ZDHHC11B: variants seen among roughly 807,000 people sequenced by gnomAD.
The protein encoded by ZDHHC11B is probable palmitoyltransferase ZDHHC11B.
Under a neutral mutation model 42.3 loss-of-function variants are expected in ZDHHC11B, and 17 were observed. The ratio of observed to expected loss-of-function variants is 0.40; its 90% CI spans 0.27 to 0.60. ZDHHC11B has a LOEUF of 0.60. Ranked by LOEUF, ZDHHC11B falls within the 20% of genes least tolerant of loss-of-function variation. The pLI is 0.41. For missense variants in ZDHHC11B, 262 were observed against 463.2 expected (o/e 0.57, Z 3.99); for synonymous variants, 123 against 193.5 (o/e 0.64, Z 3.02).
At chr5:770,844 C>T (rs1434365449) in intron 1 of ZDHHC11B, among the ~76,000 whole-genome samples, 1 of 151,922 alleles carries the variant, frequency 6.6e-6, no homozygotes, top group African/African-American at 2.4e-5. Context: ...AAGGCGCCCG[C>T]CCCCAGAGCA....
intron 6 of ZDHHC11B, among the ~76,000 whole-genome samples, chr5:752,827 C>T (rs12518720): frequency 0.71 from 72,941 of 102,880 alleles, 31,281 homozygotes; most frequent in African/African-American, 0.94. Flanking sequence ...CTCCTGGGCT[C>T]GAGCCCACTT....
At chr5:745,719 G>A (rs1437122855) in intron 8 of ZDHHC11B, among the ~76,000 whole-genome samples, 1 of 150,050 alleles carries the variant, frequency 6.7e-6, no homozygotes, top group East Asian at 2.0e-4. Context: ...TCTGTCTGAG[G>A]GTCCAGGTGG....
At chr5:758,232 C>T (rs1358904951) in intron 4 of ZDHHC11B, among the ~76,000 whole-genome samples, 1 of 151,872 alleles carries the variant, frequency 6.6e-6, no homozygotes, top group African/African-American at 2.4e-5. Context: ...TGCACTGTGG[C>T]CCAGGGGAAG....
chr5:784,456 C>A (rs1170640862), intron 1 of ZDHHC11B, among the ~76,000 whole-genome samples: 5 of 152,362 alleles, frequency 3.3e-5, no homozygotes, highest in Middle Eastern at 3.4e-3. Flanking sequence ...AAAGCCTCCC[C>A]GTCGCGTCCT....
At chr5:753,053 C>T (rs1240212710) in intron 6 of ZDHHC11B, among the ~76,000 whole-genome samples, 1 of 127,740 alleles carries the variant, frequency 7.8e-6, no homozygotes, top group African/African-American at 2.5e-5. Flanking sequence ...GCCCCTGCTG[C>T]CTGTGTTTAA....
chr5:764,112 C>T (rs1318302364), intron 4 of ZDHHC11B, among the ~76,000 whole-genome samples: 1 of 151,968 alleles, frequency 6.6e-6, no homozygotes, highest in African/African-American at 2.4e-5. Context: ...AGCCCCTACA[C>T]CTCCCTGCCT....
chr5:714,419 G>C (rs1741595985), intron 13 of ZDHHC11B, among the ~76,000 whole-genome samples: 1 of 144,616 alleles, frequency 6.9e-6, no homozygotes, highest in Non-Finnish European at 1.5e-5. Flanking sequence ...AGTGTTTTGT[G>C]TGCTCTACAG....
intron 4 of ZDHHC11B, among the ~76,000 whole-genome samples, chr5:760,843 C>T (rs1314439537): frequency 2.6e-5 from 4 of 151,220 alleles, no homozygotes; most frequent in Non-Finnish European, 4.4e-5. Context: ...GGAACCGCTG[C>T]GTCCCCACCT....
intron 12 of ZDHHC11B, among the ~76,000 whole-genome samples, chr5:727,941 T>G (rs1225241080): frequency 3.3e-5 from 5 of 151,622 alleles, no homozygotes; most frequent in Non-Finnish European, 7.4e-5. Context: ...TCACAAAAAT[T>G]TATGAACTTC....
At chr5:742,630 GT>G (rs1265433023) in intron 9 of ZDHHC11B, among the ~76,000 whole-genome samples, 1 of 149,806 alleles carries the variant, frequency 6.7e-6, no homozygotes, top group African/African-American at 2.5e-5. Context: ...CAGATACATA[GT>G]TTTTAGACAT....
intron 12 of ZDHHC11B, among the ~76,000 whole-genome samples, chr5:724,978 T>C (rs1258366564): frequency 1.6e-4 from 23 of 148,062 alleles, no homozygotes; most frequent in African/African-American, 5.8e-4. Flanking sequence ...TTTGTTGCTG[T>C]TGGAGCAGCA....
intron 10 of ZDHHC11B, among the ~76,000 whole-genome samples, 198 bp from the exon 11 acceptor site, chr5:734,037 C>T (rs552462514): frequency 1.2e-4 from 17 of 146,026 alleles, no homozygotes; most frequent in Admixed American, 3.4e-4. Flanking sequence ...AGAAGCTTCT[C>T]GTGTAAAGGA....
rs1321376944 is a variant in ZDHHC11B, at chr5:762,837, G to A, written c.222+3861C>T. Reference sequence around the variant, plus strand: ...ATTTTTTTTTAATAGAATAAAAACAGGCAAACAATAGAGAAAATTAATAAT... The same window carrying A: ...ATTTTTTTTTAATAGAATAAAAACAAGCAAACAATAGAGAAAATTAATAAT... On this transcript the variant is annotated intron_variant, in intron 4 of 13. Coordinates refer to ENST00000508859, the MANE Select transcript of ZDHHC11B (RefSeq NM_001351303.2). 2.0e-5 allele frequency among the ~76,000 whole-genome samples: 3 copies of A among 151,386 alleles called. 1 individual carries two copies. Among genetic ancestry groups the A allele is most frequent in the South Asian group, 4.2e-4 (2 of 4,790 alleles).
chr5:742,521 A>C (rs1744280785), intron 9 of ZDHHC11B, among the ~76,000 whole-genome samples: 1 of 137,942 alleles, frequency 7.2e-6, no homozygotes, highest in Non-Finnish European at 1.6e-5. Flanking sequence ...GTTTGTGGTG[A>C]CCCTGGTCAA....
chr5:744,484 C>G (rs1419752476), intron 9 of ZDHHC11B, among the ~76,000 whole-genome samples: 1 of 149,002 alleles, frequency 6.7e-6, no homozygotes, highest in African/African-American at 2.5e-5. Flanking sequence ...AGTCTCTTGG[C>G]TGTTCTATGT....
intron 12 of ZDHHC11B, among the ~76,000 whole-genome samples, chr5:729,307 C>A (rs1434939222): frequency 6.6e-6 from 1 of 151,160 alleles, no homozygotes; most frequent in African/African-American, 2.4e-5. Context: ...CCCCCCTGAG[C>A]AGCATGACCT....
At chr5:759,970 C>T (rs1389486402) in intron 4 of ZDHHC11B, among the ~76,000 whole-genome samples, 1 of 151,910 alleles carries the variant, frequency 6.6e-6, no homozygotes, top group African/African-American at 2.4e-5. Context: ...GCCGGGGATG[C>T]CGTCCTGAGC....
At chr5:766,605 C>T (rs1220466848) in intron 4 of ZDHHC11B, 93 bp downstream of exon 4, 25 of 1,341,028 alleles carry the variant, frequency 1.9e-5, no homozygotes, top group Admixed American at 8.5e-5. Context: ...CTGGTGCCAC[C>T]GGGCAGCCAT....
In ZDHHC11B at chr5:766,827, C is replaced by G. The variant is rs774566741; in HGVS notation, c.93G>C (p.Val31=). The G allele has an allele frequency of 6.2e-7, 1 of 1,612,656 alleles. No homozygotes were observed. Among genetic ancestry groups the G allele is most frequent in the Non-Finnish European group, 8.5e-7 (1 of 1,179,254 alleles). The part of the protein sequence containing the change: ...ELVLPPRISR[V]NGWSLPLHYF... ...AGTGCAGGGGTAACGACCAGCCGTTCACTCTGGAGATGCGGGGCGGCAAGA... is the reference window on the plus strand; with the variant it reads ...AGTGCAGGGGTAACGACCAGCCGTTGACTCTGGAGATGCGGGGCGGCAAGA... Residue 31 remains valine (V), a synonymous_variant, in exon 4 of 14, where the codon GTG becomes GTC. Coordinates refer to ENST00000508859, the MANE Select transcript of ZDHHC11B (RefSeq NM_001351303.2).
Sources: allele counts gnomAD v4.1 joint callset (sites outside exome capture counted in the v4.1 genomes callset), GRCh38; gene constraint gnomAD v4.1.1; transcripts MANE v1.5; gene names NCBI Gene and HGNC (gene_info 2026-07-23, HGNC 2026-07-21).